The following C16orf96 variants were observed in gnomAD, a reference collection of about 807,000 sequenced individuals.
C16orf96 encodes the protein chromosome 16 open reading frame 96.
Under a neutral mutation model 103.6 loss-of-function variants are expected in C16orf96, and 108 were observed. That is an observed-to-expected ratio of 1.04 (90% CI 0.89 to 1.22). C16orf96 has a LOEUF of 1.22. Among genes scored for constraint, C16orf96 ranks in the 50% most tolerant of loss-of-function variants. C16orf96 has a pLI of 0.00. For missense variants in C16orf96, 1,586 were observed against 1,464.2 expected (o/e 1.08, Z -1.36); for synonymous variants, 566 against 593.5 (o/e 0.95, Z 0.67).
At chr16:4,548,357 C>A in the C16orf96 span, among the ~76,000 whole-genome samples, 3 of 152,162 alleles carry the variant, frequency 2.0e-5, no homozygotes, top group African/African-American at 7.2e-5. Flanking sequence ...AGACTCACAT[C>A]GGTACTGCAA....
chr16:4,582,932 G>A (rs929219332), intron 7 of C16orf96, among the ~76,000 whole-genome samples: 5 of 152,104 alleles, frequency 3.3e-5, no homozygotes, highest in South Asian at 2.1e-4. Context: ...CCTGGCTCTT[G>A]TGCTATGAAG....
rs149055713 is a variant in C16orf96, at chr16:4,572,025, T to A, written c.525+360T>A. On this transcript the variant is annotated intron_variant, in intron 2 of 15. Transcript: ENST00000444310. ...CCACCACATCTGGGTAATTTTTGTATTTTTAGTAGAGACAGGGGTTCATCT... is the reference window on the plus strand; with the variant it reads ...CCACCACATCTGGGTAATTTTTGTAATTTTAGTAGAGACAGGGGTTCATCT... Among the ~76,000 whole-genome samples the A allele has an allele frequency of 2.0e-5, 3 of 151,884 alleles. No individual in the cohort carries two copies. In the East Asian group the frequency reaches 5.8e-4, roughly 30 times the overall value.
At chr16:4,574,530 T>A (rs1415041599) in intron 2 of C16orf96, among the ~76,000 whole-genome samples, 179 bp from the exon 3 acceptor site, 1 of 152,174 alleles carries the variant, frequency 6.6e-6, no homozygotes, top group Non-Finnish European at 1.5e-5. Context: ...CCTGACATGC[T>A]TTCAAGCCCA....
Position 4,588,272 on chromosome 16 carries a change from A to G in C16orf96, c.2533A>G (p.Ile845Val). The G allele has an allele frequency of 6.4e-7, 1 of 1,551,742 alleles. No homozygotes were observed. Among genetic ancestry groups the G allele is most frequent in the Non-Finnish European group, 8.7e-7 (1 of 1,147,002 alleles). ...MIQGILFKVT[I>V]HEDSWKKAME... Reference sequence around the variant, plus strand: ...TCAGGGCATACTCTTCAAGGTCACGATCCATGAGGACAGCTGGAAGAAGGC... The same window carrying G: ...TCAGGGCATACTCTTCAAGGTCACGGTCCATGAGGACAGCTGGAAGAAGGC... Residue 845 changes from isoleucine (I) to valine (V), a missense_variant, in exon 9 of 16, where the codon ATC (isoleucine) becomes GTC (valine). By Grantham distance (29) the Ile-to-Val change is conservative. Coordinates refer to ENST00000444310, the MANE Select transcript of C16orf96 (RefSeq NM_001145011.2).
chr16:4,576,393 T>C lies in C16orf96; in HGVS notation c.1913T>C (p.Leu638Ser). The C allele has an allele frequency of 6.4e-7, 1 of 1,551,088 alleles. No individual in the cohort carries two copies. ...CGGGGAGCCACAGAATCCCAGATCT[T>C]GGGCGATGATTCCGAAATCTACGAA... is the stretch of plus-strand genomic sequence containing the variant. ...PSRGATESQILGDDSEIYEIL... is the reference protein window; with the variant it reads ...PSRGATESQISGDDSEIYEIL... The change falls in exon 5 of 16, where the codon TTG (leucine) becomes TCG (serine). Residue 638 changes from leucine (L) to serine (S), a missense_variant. Physicochemically the swap from Leu to Ser is moderately radical, Grantham distance 145. Transcript: ENST00000444310.
chr16:4,570,155 C>T (rs745495415), intron 1 of C16orf96, among the ~76,000 whole-genome samples: 8 of 152,074 alleles, frequency 5.3e-5, no homozygotes, highest in Non-Finnish European at 1.0e-4. Context: ...CACTATGTTG[C>T]CCAGGCTGGT....
chr16:4,580,893 G>A (rs1467978014), intron 7 of C16orf96, among the ~76,000 whole-genome samples: 32 of 152,036 alleles, frequency 2.1e-4, no homozygotes, highest in African/African-American at 7.2e-4. Flanking sequence ...AGGAGGCTGA[G>A]GTGGGCGGAT....
intron 7 of C16orf96, among the ~76,000 whole-genome samples, chr16:4,585,564 G>A (rs144965902): frequency 6.6e-6 from 1 of 152,350 alleles, no homozygotes; most frequent in East Asian, 1.9e-4. Flanking sequence ...TGGAGTGGCT[G>A]TGGTTCAGAG....
chr16:4,550,859 C>T, the C16orf96 span, among the ~76,000 whole-genome samples: 12 of 152,216 alleles, frequency 7.9e-5, no homozygotes, highest in Non-Finnish European at 1.6e-4. Flanking sequence ...TCTTTCTTTA[C>T]ACGCAGCAAG....
chr16:4,548,552 A>C, the C16orf96 span, among the ~76,000 whole-genome samples: 29 of 152,276 alleles, frequency 1.9e-4, no homozygotes, highest in East Asian at 4.8e-3. Flanking sequence ...TGGGGCTCCC[A>C]AGAACTTTTG....
chr16:4,582,555 G>T (rs1896815702), intron 7 of C16orf96, among the ~76,000 whole-genome samples: 1 of 152,196 alleles, frequency 6.6e-6, no homozygotes, highest in South Asian at 2.1e-4. Flanking sequence ...TGGACAGGAG[G>T]GTTGGCTGTC....
intron 9 of C16orf96, among the ~76,000 whole-genome samples, chr16:4,590,953 A>C (rs541667298): frequency 5.9e-5 from 9 of 152,078 alleles, no homozygotes; most frequent in African/African-American, 2.2e-4. Flanking sequence ...AATTGCTTGA[A>C]CCTGGGAGGC....
intron 1 of C16orf96, among the ~76,000 whole-genome samples, chr16:4,557,828 C>T (rs1248948159): frequency 6.6e-6 from 1 of 152,098 alleles, no homozygotes; most frequent in African/African-American, 2.4e-5. Flanking sequence ...CACCACTGCA[C>T]CTGGCTAATT....
the C16orf96 span, among the ~76,000 whole-genome samples, chr16:4,544,439 C>G: frequency 6.6e-6 from 1 of 152,122 alleles, no homozygotes; most frequent in Admixed American, 6.6e-5. Context: ...AACCCGGTAT[C>G]TACAAAAAAT....
At chr16:4,559,524 C>T (rs2059305060) in intron 1 of C16orf96, among the ~76,000 whole-genome samples, 1 of 150,432 alleles carries the variant, frequency 6.6e-6, no homozygotes, top group South Asian at 2.1e-4. Flanking sequence ...GCACTCCAGC[C>T]TGGGCAACAG....
chr16:4,541,224 C>G, the C16orf96 span, among the ~76,000 whole-genome samples: 1 of 152,152 alleles, frequency 6.6e-6, no homozygotes, highest in Non-Finnish European at 1.5e-5. Flanking sequence ...GATTTTATTT[C>G]AAGTGGAATT....
intron 1 of C16orf96, among the ~76,000 whole-genome samples, chr16:4,559,141 A>G (rs981571369): frequency 6.6e-6 from 1 of 152,074 alleles, no homozygotes; most frequent in African/African-American, 2.4e-5. Flanking sequence ...AGCATGTCCT[A>G]GTCCTCTCTG....
intron 2 of C16orf96, among the ~76,000 whole-genome samples, chr16:4,574,209 T>G (rs897365639): frequency 1.3e-5 from 2 of 151,398 alleles, no homozygotes; most frequent in East Asian, 2.0e-4. Flanking sequence ...TGTTGAAATG[T>G]TTTTTATTTA....
chr16:4,589,518 C>T (rs1465868659), intron 9 of C16orf96, among the ~76,000 whole-genome samples: 1 of 150,978 alleles, frequency 6.6e-6, no homozygotes, highest in African/African-American at 2.4e-5. Flanking sequence ...GTTGAGACTG[C>T]AGTGAACCAA....
Sources: allele counts gnomAD v4.1 joint callset (sites outside exome capture counted in the v4.1 genomes callset), GRCh38; gene constraint gnomAD v4.1.1; transcripts MANE v1.5; gene names NCBI Gene and HGNC (gene_info 2026-07-23, HGNC 2026-07-21).